Variants in WDR6 observed in about 807,000 individuals in gnomAD.
The protein encoded by WDR6 is tRNA (34-2'-O)-methyltransferase regulator WDR6.
Under a neutral mutation model 85.6 loss-of-function variants are expected in WDR6, and 58 were observed. That is an observed-to-expected ratio of 0.68 (90% CI 0.55 to 0.84). The LOEUF is 0.84. WDR6 is among the 40% of genes least tolerant of loss of function. The probability of loss-of-function intolerance (pLI) is 0.00; values close to 1 mark genes in which losing one functional copy is unlikely to be tolerated. For missense variants in WDR6, 1,310 were observed against 1,476.4 expected (o/e 0.89, Z 1.85); for synonymous variants, 569 against 582.2 (o/e 0.98, Z 0.33).
Position 49,015,477 on chromosome 3 carries a change from CAA to C in WDR6, c.*190_*191del, listed in dbSNP as rs2093050382. 3.3e-6 allele frequency: 5 copies of C among 1,536,062 alleles called. No homozygotes were observed. Among genetic ancestry groups the C allele is most frequent in the Non-Finnish European group, 3.6e-6 (4 of 1,124,160 alleles). ...CAAGAATATGCCCGACTCCCCATGA[CAA>C]GACAGAACTTTGTAACAAACAGTAC... is the stretch of plus-strand genomic sequence containing the variant. On this transcript the variant is annotated 3_prime_UTR_variant, in exon 6 of 6. Transcript: ENST00000608424.
intron 1 of WDR6, chr3:49,008,142 C>T (rs892372637): frequency 6.6e-6 from 1 of 152,358 alleles, no homozygotes; most frequent in Admixed American, 6.5e-5. Flanking sequence ...GGGCGGTGCC[C>T]GGGGAAGCAG....
chr3:49,011,470 G>C, intron 1 of WDR6, 165 bp from the exon 2 acceptor site: 1 of 1,585,200 alleles, frequency 6.3e-7, no homozygotes, highest in East Asian at 2.3e-5. Context: ...GTGAGCCACC[G>C]CACCCGGCCG....
At position 49,007,710 on chromosome 3, in the gene WDR6, G is replaced by A; in HGVS notation, c.100+179G>A. ...GGGGACGAGGGCCAACCTGAAGAGGGCGGGGCCCGAGAGACAAAGCTGATG... is the reference window on the plus strand; with the variant it reads ...GGGGACGAGGGCCAACCTGAAGAGGACGGGGCCCGAGAGACAAAGCTGATG... On this transcript the variant is annotated intron_variant, in intron 1 of 5. Coordinates refer to ENST00000608424, the MANE Select transcript of WDR6 (RefSeq NM_018031.6). The surrounding 1 kb of genome is among the most constrained non-coding windows in gnomAD (Gnocchi z 5.1). 7.6e-7 allele frequency: 1 copy of A among 1,311,148 alleles called. No individual in the cohort carries two copies. Among genetic ancestry groups the A allele is most frequent in the Non-Finnish European group, 9.8e-7 (1 of 1,024,786 alleles). 81.2% of individuals were successfully genotyped at this position (1,311,148 alleles called of 1,614,324 possible).
Position 49,013,983 on chromosome 3 carries a change from A to G in WDR6, c.2449A>G (p.Met817Val), listed in dbSNP as rs1445202575. The part of the protein sequence containing the change: ...GRAEMHCFSI[M>V]VTPDPSTPSR... ...GGCTGAGATGCACTGCTTCAGCATC[A>G]TGGTTACTCCGGACCCCAGCACCCC... Residue 817 changes from methionine (M) to valine (V), a missense_variant, in exon 2 of 6, where the codon ATG (methionine) becomes GTG (valine). Met to Val is a conservative substitution (Grantham distance 21, BLOSUM62 1). Coordinates refer to ENST00000608424, the MANE Select transcript of WDR6 (RefSeq NM_018031.6). The surrounding 1 kb of genome is among the most constrained non-coding windows in gnomAD (Gnocchi z 4.6). The G allele has an allele frequency of 1.2e-6, 2 of 1,611,760 alleles. No homozygotes were observed. Among genetic ancestry groups the G allele is most frequent in the Admixed American group, 3.3e-5 (2 of 60,006 alleles).
In WDR6 at chr3:49,013,726, A is replaced by G. The variant is rs2093031304; in HGVS notation, c.2192A>G (p.Glu731Gly). 9 of 1,613,884 alleles carry G rather than the reference A, an allele frequency of 5.6e-6. No homozygotes were observed. Among genetic ancestry groups the G allele is most frequent in the Non-Finnish European group, 7.6e-6 (9 of 1,179,924 alleles). Residue 731 changes from glutamate (E) to glycine (G), a missense_variant, in exon 2 of 6, where the codon GAG becomes GGG. Physicochemically the swap from Glu to Gly is moderately conservative, Grantham distance 98. Transcript: ENST00000608424. This position sits in a 1 kb window ranked among gnomAD's most constrained non-coding sequence, Gnocchi z 4.6. Reference protein sequence around the residue: ...VPSFMQPDDLEPGSEGPDLTD... With the variant: ...VPSFMQPDDLGPGSEGPDLTD... ...AGCTTCATGCAGCCTGATGACCTGG[A>G]GCCTGGCAGTGAGGGGCCCGACTTG...
In WDR6 at chr3:49,014,136, A is replaced by T. The variant is rs1380169774; in HGVS notation, c.2582+20A>T. The T allele has an allele frequency of 5.6e-6, 9 of 1,613,622 alleles. No individual in the cohort carries two copies. The highest frequency in any genetic ancestry group is 6.8e-6 in the Non-Finnish European group (8 of 1,179,628). On this transcript the variant is annotated intron_variant, in intron 2 of 5. Coordinates refer to ENST00000608424, the MANE Select transcript of WDR6 (RefSeq NM_018031.6). The surrounding 1 kb of genome is among the most constrained non-coding windows in gnomAD (Gnocchi z 4.9). ...GACCAGGTAATATATGCTCCTGGGC[A>T]GGGTGTGGTATGGGTCATGCAGATG...
chr3:49,010,989 C>T (rs994398378), intron 1 of WDR6: 1 of 419,298 alleles, frequency 2.4e-6, no homozygotes, highest in Non-Finnish European at 4.7e-6. Context: ...GCACTCCAGC[C>T]TCAGCGACAG....
In WDR6 at chr3:49,007,546, G is replaced by C. The variant is rs371581860; in HGVS notation, c.100+15G>C. 1.3e-6 allele frequency: 2 copies of C among 1,577,540 alleles called. No individual in the cohort carries two copies. Among genetic ancestry groups the C allele is most frequent in the Admixed American group, 1.7e-5 (1 of 57,938 alleles). ...GCTGTTGGCGGGTGAGGCTTGGCTTGAGGCACGCCTGGTGGAAAGGGGGAA... is the reference window on the plus strand; with the variant it reads ...GCTGTTGGCGGGTGAGGCTTGGCTTCAGGCACGCCTGGTGGAAAGGGGGAA... On this transcript the variant is annotated intron_variant, in intron 1 of 5. Transcript: ENST00000608424. This position sits in a 1 kb window ranked among gnomAD's most constrained non-coding sequence, Gnocchi z 5.1.
chr3:49,010,914 G>A (rs1027842660), intron 1 of WDR6, among the ~76,000 whole-genome samples: 1 of 150,878 alleles, frequency 6.6e-6, no homozygotes, highest in African/African-American at 2.4e-5. Context: ...CTACTTGGGA[G>A]GCTGAGGCAG....
chr3:49,008,195 A>C (rs1367228324), intron 1 of WDR6: 2 of 152,416 alleles, frequency 1.3e-5, no homozygotes, highest in Non-Finnish European at 2.9e-5. Context: ...CCAGGAAATC[A>C]GGTGTGGAGG....
rs1194542182 is a variant in WDR6 at position 49,007,402 on chromosome 3, C to T, written c.-30C>T. On this transcript the variant is annotated 5_prime_UTR_variant, in exon 1 of 6. Coordinates refer to ENST00000608424, the MANE Select transcript of WDR6 (RefSeq NM_018031.6). The surrounding 1 kb of genome is among the most constrained non-coding windows in gnomAD (Gnocchi z 5.1). ...GCGAGAGTTCAGCTCCCTTCTTAGC[C>T]GTGGCTGCCTCAGCACCTCGAGGAT... 1.3e-6 allele frequency: 2 copies of T among 1,597,878 alleles called. No individual in the cohort carries two copies. The highest frequency in any genetic ancestry group is 1.8e-5 in the Admixed American group (1 of 56,356).
In WDR6 at chr3:49,014,003, C is replaced by G. The variant is rs2093033810; in HGVS notation, c.2469C>G (p.Ser823Arg). The G allele has an allele frequency of 6.2e-7, 1 of 1,611,684 alleles. No individual in the cohort carries two copies. Among genetic ancestry groups the G allele is most frequent in the Non-Finnish European group, 8.5e-7 (1 of 1,180,008 alleles). The change falls in exon 2 of 6, where the codon AGC (serine) becomes AGG (arginine). Residue 823 changes from serine to arginine, a missense_variant. Coordinates refer to ENST00000608424, the MANE Select transcript of WDR6 (RefSeq NM_018031.6). The surrounding 1 kb of genome is among the most constrained non-coding windows in gnomAD (Gnocchi z 4.9). ...GCATCATGGTTACTCCGGACCCCAG[C>G]ACCCCAAGCCGCCTCGCCTGCCATG... ...CFSIMVTPDP[S>R]TPSRLACHVM...
In WDR6 at chr3:49,015,664, T is replaced by C. The variant is rs1215816394; in HGVS notation, c.*376T>C. On this transcript the variant is annotated 3_prime_UTR_variant, in exon 6 of 6. Transcript: ENST00000608424. The stretch of plus-strand genomic sequence containing the variant: ...CACCTCACGCACAGCTCTCAGAAGC[T>C]GCAGGCGGACGAACATCTGACCAAA... 1 of 1,614,136 alleles carries C rather than the reference T, an allele frequency of 6.2e-7. No homozygotes were observed. The highest frequency in any genetic ancestry group is 8.5e-7 in the Non-Finnish European group (1 of 1,180,022).
At position 49,015,623 on chromosome 3, in the gene WDR6, C is replaced by G. The variant is rs763374494; in HGVS notation, c.*335C>G. 9.9e-6 allele frequency: 16 copies of G among 1,614,028 alleles called. No homozygotes were observed. In the Admixed American group the frequency reaches 2.7e-4, roughly 27 times the overall value. On this transcript the variant is annotated 3_prime_UTR_variant, in exon 6 of 6. Transcript: ENST00000608424. ...CTCAGTGGAGGGAGACCCAGCATAG[C>G]CAGGCCAGTATGGAGCACCTCACGC...
At position 49,015,707 on chromosome 3, in the gene WDR6, C is replaced by T. The variant is rs1204744000; in HGVS notation, c.*419C>T. ...TGACCAAAGAGGTGTGGTCGAGGCT[C>T]CTGAAAGAGAAAGGGCCTGCTGGTC... is the stretch of plus-strand genomic sequence containing the variant. On this transcript the variant is annotated 3_prime_UTR_variant, in exon 6 of 6. Transcript: ENST00000608424. 12 of 1,613,934 alleles carry T rather than the reference C, an allele frequency of 7.4e-6. No individual in the cohort carries two copies. Among genetic ancestry groups the T allele is most frequent in the Non-Finnish European group, 1.0e-5 (12 of 1,180,024 alleles).
Position 49,015,475 on chromosome 3 carries a change from G to T in WDR6, c.*187G>T. The T allele has an allele frequency of 6.5e-7, 1 of 1,530,498 alleles. No individual in the cohort carries two copies. The highest frequency in any genetic ancestry group is 1.2e-5 in the South Asian group (1 of 83,610). 94.8% of individuals were successfully genotyped at this position (1,530,498 alleles called of 1,614,324 possible). On this transcript the variant is annotated 3_prime_UTR_variant, in exon 6 of 6. Coordinates refer to ENST00000608424, the MANE Select transcript of WDR6 (RefSeq NM_018031.6). ...GCCAAGAATATGCCCGACTCCCCAT[G>T]ACAAGACAGAACTTTGTAACAAACA...
chr3:49,007,408 T>C lies in WDR6; in HGVS notation c.-24T>C, dbSNP rs1190478107. Reference sequence around the variant, plus strand: ...GTTCAGCTCCCTTCTTAGCCGTGGCTGCCTCAGCACCTCGAGGATCGACAT... The same window carrying C: ...GTTCAGCTCCCTTCTTAGCCGTGGCCGCCTCAGCACCTCGAGGATCGACAT... On this transcript the variant is annotated 5_prime_UTR_variant, in exon 1 of 6. Transcript: ENST00000608424. The surrounding 1 kb of genome is among the most constrained non-coding windows in gnomAD (Gnocchi z 5.1). 6.2e-7 allele frequency: 1 copy of C among 1,602,738 alleles called. No homozygotes were observed. The highest frequency in any genetic ancestry group is 1.3e-5 in the African/African-American group (1 of 74,996).
Position 49,015,903 on chromosome 3 carries a change from C to G in WDR6, c.*615C>G, listed in dbSNP as rs1179693342. 5.0e-6 allele frequency: 8 copies of G among 1,614,220 alleles called. No individual in the cohort carries two copies. The highest frequency in any genetic ancestry group is 3.3e-4 in the Middle Eastern group (2 of 6,062). ...GACAGAGACTGAGTCACTGGCCCAT[C>G]TCTTTGCTCTTGTGCCCCAGGCCAG... On this transcript the variant is annotated 3_prime_UTR_variant, in exon 6 of 6. Coordinates refer to ENST00000608424, the MANE Select transcript of WDR6 (RefSeq NM_018031.6).
Position 49,015,803 on chromosome 3 carries a change from C to G in WDR6, c.*515C>G. 6.2e-7 allele frequency: 1 copy of G among 1,613,892 alleles called. No homozygotes were observed. The highest frequency in any genetic ancestry group is 8.5e-7 in the Non-Finnish European group (1 of 1,179,818). On this transcript the variant is annotated 3_prime_UTR_variant, in exon 6 of 6. Coordinates refer to ENST00000608424, the MANE Select transcript of WDR6 (RefSeq NM_018031.6). ...CCCACCCCATTTTGCTGTGTGCTCA[C>G]CCCCAGGATGTGTACCCGGTTGTAG...
Sources: allele counts gnomAD v4.1 joint callset (sites outside exome capture counted in the v4.1 genomes callset), GRCh38; gene constraint gnomAD v4.1.1; non-coding constraint Gnocchi (gnomAD v3.1); transcripts MANE v1.5; gene names NCBI Gene and HGNC (gene_info 2026-07-23, HGNC 2026-07-21).